Variants in TRAPPC9 observed in about 807,000 individuals in gnomAD.
TRAPPC9 encodes IKK2 binding protein.
In TRAPPC9, 83 loss-of-function variants were observed where a neutral mutation model predicts 124.0. That is an observed-to-expected ratio of 0.67 (90% CI 0.56 to 0.80). The LOEUF (loss-of-function observed/expected upper bound fraction) is 0.80. Ranked by LOEUF, TRAPPC9 falls within the 30% of genes least tolerant of loss-of-function variation. The pLI is 0.00. For synonymous variants in TRAPPC9, 638 were observed against 617.5 expected (o/e 1.03, Z -0.49); for missense variants, 1,302 against 1,508.3 (o/e 0.86, Z 2.27).
intron 7 of TRAPPC9, among the ~76,000 whole-genome samples, chr8:140,392,530 T>C (rs1172517841): frequency 2.0e-5 from 3 of 152,230 alleles, no homozygotes; most frequent in African/African-American, 7.2e-5. Context: ...TTTCCCCCTG[T>C]AGACCTGAAG....
chr8:140,408,681 C>T (rs1455428938), intron 5 of TRAPPC9, among the ~76,000 whole-genome samples: 1 of 151,862 alleles, frequency 6.6e-6, no homozygotes, highest in Non-Finnish European at 1.5e-5. Context: ...GGCAGGAAGA[C>T]AAGGCATCCA....
In TRAPPC9 at chr8:140,435,186, G is replaced by A; in HGVS notation, c.785C>T (p.Thr262Ile). The A allele has an allele frequency of 6.2e-7, 1 of 1,614,026 alleles. No homozygotes were observed. The highest frequency in any genetic ancestry group is 8.5e-7 in the Non-Finnish European group (1 of 1,180,002). ...CCTCCGAGCTCCACTCTTCCCACCA[G>A]TTCCACCAGGATAGTGATAGATGAC... ...ASVIYHYPGG[T>I]GGKSGARRFQ... is the part of the protein sequence containing the mutation. The change falls in exon 4 of 23, where the codon ACT becomes ATT. Residue 262 changes from threonine to isoleucine, a missense_variant. Thr to Ile is a moderately conservative substitution (Grantham distance 89, BLOSUM62 -1). This residue lies in a region of TRAPPC9 where 657 missense variants were observed against 811.2 expected (regional missense o/e 0.81). Transcript: ENST00000438773.
rs76289928 is a variant in TRAPPC9, at chr8:139,870,239, G to A, written c.3055+15640C>T. On this transcript the variant is annotated intron_variant, in intron 21 of 22. Coordinates refer to ENST00000438773, the MANE Select transcript of TRAPPC9 (RefSeq NM_001160372.4). Reference sequence around the variant, plus strand: ...GAAAAACAAAGGGAGGACCCATGCCGCACTCACCTTAGTATATTCCAGATA... The same window carrying A: ...GAAAAACAAAGGGAGGACCCATGCCACACTCACCTTAGTATATTCCAGATA... 3.0e-4 allele frequency among the ~76,000 whole-genome samples: 45 copies of A among 152,284 alleles called. No homozygotes were observed. In the East Asian group the frequency reaches 3.3e-3, roughly 11 times the overall value.
At chr8:140,384,164 C>T (rs927366961) in intron 7 of TRAPPC9, among the ~76,000 whole-genome samples, 13 of 152,006 alleles carry the variant, frequency 8.6e-5, no homozygotes, top group African/African-American at 2.9e-4. Flanking sequence ...GAAGGAAGCA[C>T]TAAACATGGA....
chr8:140,442,229 G>A (rs919506396), intron 2 of TRAPPC9, among the ~76,000 whole-genome samples: 1 of 152,222 alleles, frequency 6.6e-6, no homozygotes, highest in South Asian at 2.1e-4. Context: ...TTTACAAAAA[G>A]TCATATAAAT....
intron 21 of TRAPPC9, among the ~76,000 whole-genome samples, chr8:139,812,809 T>C (rs1824534031): frequency 6.6e-6 from 1 of 152,188 alleles, no homozygotes; most frequent in Non-Finnish European, 1.5e-5. Flanking sequence ...TCCAGGGGCA[T>C]GGGCTATAGC....
intron 21 of TRAPPC9, among the ~76,000 whole-genome samples, chr8:139,770,565 A>G (rs1441735512): frequency 1.3e-5 from 2 of 152,214 alleles, no homozygotes; most frequent in African/African-American, 4.8e-5. Flanking sequence ...GAAACTGCGC[A>G]AACAGTGCCT....
rs1250159202 is a variant in TRAPPC9 at position 140,216,534 on chromosome 8, G to C, written c.2556+4925C>G. On this transcript the variant is annotated intron_variant, in intron 17 of 22. Transcript: ENST00000438773. This position sits in a 1 kb window ranked among gnomAD's most constrained non-coding sequence, Gnocchi z 4.1. ...CAAATGTGAGAGATGCCCCCCAAAA[G>C]AAGTATGAGTGGAACACAAAGCAAA... Among the ~76,000 whole-genome samples, 1 of 152,150 alleles carries C rather than the reference G, an allele frequency of 6.6e-6. No homozygotes were observed. Among genetic ancestry groups the C allele is most frequent in the East Asian group, 1.9e-4 (1 of 5,186 alleles).
At chr8:140,062,555 C>T (rs1216138433) in intron 17 of TRAPPC9, among the ~76,000 whole-genome samples, 1 of 152,070 alleles carries the variant, frequency 6.6e-6, no homozygotes, top group Non-Finnish European at 1.5e-5. Flanking sequence ...TTGACAGCGC[C>T]CTCAGAGACC....
intron 19 of TRAPPC9, among the ~76,000 whole-genome samples, chr8:139,961,406 GCCCAAACCACCA>G (rs1421192096): frequency 8.1e-6 from 1 of 123,956 alleles, no homozygotes; most frequent in South Asian, 2.7e-4. Flanking sequence ...TGCCACAGCT[GCCCAAACCACCA>G]CCCAAACCAT....
intron 7 of TRAPPC9, among the ~76,000 whole-genome samples, chr8:140,381,204 C>CA (rs35624592): frequency 2.0e-3 from 217 of 109,138 alleles, no homozygotes; most frequent in South Asian, 6.6e-3. Context: ...AACTCCATCT[C>CA]AAAAAAAAAA....
In TRAPPC9 at chr8:140,116,719, T is replaced by G. The variant is rs139359610; in HGVS notation, c.2557-92640A>C. 2.7e-4 allele frequency among the ~76,000 whole-genome samples: 41 copies of G among 152,320 alleles called. No individual in the cohort carries two copies. In the East Asian group the frequency reaches 7.1e-3, roughly 27 times the overall value. On this transcript the variant is annotated intron_variant, in intron 17 of 22. Coordinates refer to ENST00000438773, the MANE Select transcript of TRAPPC9 (RefSeq NM_001160372.4). ...TGCCCACGTCTGGGGTACACACTTC[T>G]GGCAGCAGCGGACAAGCTAGAGAGA...
At chr8:139,843,780 C>T (rs564039102) in intron 21 of TRAPPC9, among the ~76,000 whole-genome samples, 1 of 152,210 alleles carries the variant, frequency 6.6e-6, no homozygotes, top group African/African-American at 2.4e-5. Context: ...AAGGAATGAG[C>T]CCCGTGACAC....
chr8:139,939,208 TG>T (rs1833743948), intron 19 of TRAPPC9, among the ~76,000 whole-genome samples: 1 of 152,222 alleles, frequency 6.6e-6, no homozygotes, highest in Non-Finnish European at 1.5e-5. Context: ...AGCCAGAGAA[TG>T]GGTGAAAGCC....
chr8:140,229,908 A>C (rs1009687328), intron 16 of TRAPPC9, among the ~76,000 whole-genome samples: 1 of 152,182 alleles, frequency 6.6e-6, no homozygotes, highest in Non-Finnish European at 1.5e-5. Flanking sequence ...AAAACGTACA[A>C]AGCAACATCA....
intron 14 of TRAPPC9, among the ~76,000 whole-genome samples, chr8:140,279,677 T>C (rs1253857989): frequency 6.6e-6 from 1 of 151,984 alleles, no homozygotes; most frequent in Non-Finnish European, 1.5e-5. Context: ...TACCAGAGCA[T>C]GCACGCACCC....
At chr8:140,323,699 A>G (rs2066660039) in intron 9 of TRAPPC9, among the ~76,000 whole-genome samples, 1 of 152,184 alleles carries the variant, frequency 6.6e-6, no homozygotes, top group Admixed American at 6.5e-5. Context: ...GTGTTTTTCC[A>G]CAGAACAAAA....
intron 9 of TRAPPC9, among the ~76,000 whole-genome samples, chr8:140,320,368 T>A (rs1024606877): frequency 2.0e-5 from 3 of 152,178 alleles, no homozygotes; most frequent in African/African-American, 7.2e-5. Flanking sequence ...TTGAAGGACA[T>A]GACCTAAGGT....
intron 17 of TRAPPC9, among the ~76,000 whole-genome samples, chr8:140,155,909 T>A (rs10107693): frequency 6.6e-6 from 1 of 151,962 alleles, no homozygotes; most frequent in Non-Finnish European, 1.5e-5. Flanking sequence ...CGATCAAGGG[T>A]ATAACTTGCT....
Sources: gnomAD v4.1 joint callset for allele counts (sites outside exome capture counted in the v4.1 genomes callset) on GRCh38, gnomAD v4.1.1 for gene constraint, gnomAD v4.1.1 regional missense constraint, Gnocchi (gnomAD v3.1) non-coding constraint, MANE v1.5 for transcripts, NCBI Gene and HGNC (gene_info 2026-07-23, HGNC 2026-07-21) for gene names.